FSTL4: variants seen among roughly 807,000 people sequenced by gnomAD.
FSTL4 encodes follistatin-related protein 4.
A neutral mutation model predicts 78.2 loss-of-function variants in FSTL4; 28 were observed. The observed-to-expected ratio is 0.36, with a 90% CI of 0.27 to 0.49. The LOEUF is 0.49. Ranked by LOEUF, FSTL4 falls within the 20% of genes least tolerant of loss-of-function variation. The pLI is 0.98. For synonymous variants in FSTL4, 422 were observed against 440.5 expected, an observed-to-expected ratio of 0.96 and a Z score of 0.53; for missense variants, 922 against 1,084.9, an observed-to-expected ratio of 0.85 and a Z score of 2.11.
chr5:133,436,461 G>C (rs1315197725), intron 3 of FSTL4, among the ~76,000 whole-genome samples: 2 of 152,128 alleles, frequency 1.3e-5, no homozygotes, highest in Non-Finnish European at 2.9e-5. Flanking sequence ...AGGCTAGAAA[G>C]GTTAATAGGG....
At chr5:133,748,848 G>A in the FSTL4 span, among the ~76,000 whole-genome samples, 7 of 152,260 alleles carry the variant, frequency 4.6e-5, no homozygotes, top group South Asian at 1.0e-3. Context: ...AAGGCAGAAA[G>A]AGAGAGAGAG....
the FSTL4 span, among the ~76,000 whole-genome samples, chr5:133,795,161 C>A: frequency 3.9e-5 from 6 of 152,296 alleles, no homozygotes; most frequent in Admixed American, 1.3e-4. Context: ...AGCTTCCTGG[C>A]CCCAGGTGAG....
intron 3 of FSTL4, among the ~76,000 whole-genome samples, chr5:133,499,160 T>A (rs1420724552): frequency 6.6e-6 from 1 of 152,184 alleles, no homozygotes; most frequent in Non-Finnish European, 1.5e-5. Flanking sequence ...ATTCTTCTCA[T>A]GACCATGTTT....
At chr5:133,595,426 G>A (rs1237879620) in intron 2 of FSTL4, among the ~76,000 whole-genome samples, 2 of 152,182 alleles carry the variant, frequency 1.3e-5, no homozygotes, top group East Asian at 1.9e-4. Flanking sequence ...TGGCTGACTC[G>A]TTCACTTATT....
chr5:133,529,864 C>T (rs1290714164), intron 3 of FSTL4, among the ~76,000 whole-genome samples: 16 of 150,002 alleles, frequency 1.1e-4, no homozygotes, highest in Admixed American at 6.0e-4. Flanking sequence ...TAAAATGTTT[C>T]GGGTTTTTTT....
intron 4 of FSTL4, among the ~76,000 whole-genome samples, chr5:133,372,245 C>CTATGTATCTACGTATGTATGTATGTATG (rs757202475): frequency 7.1e-6 from 1 of 140,122 alleles, no homozygotes; most frequent in Admixed American, 7.2e-5. Context: ...ATCTATGTAT[C>CTATGTATCTACGTATGTATGTATGTATG]TATGTATGTA....
chr5:133,506,732 C>CA (rs1758619228), intron 3 of FSTL4, among the ~76,000 whole-genome samples: 1 of 152,188 alleles, frequency 6.6e-6, no homozygotes, highest in African/African-American at 2.4e-5. Context: ...AGGTTGAAAA[C>CA]AAAGTTGTCT....
the FSTL4 span, among the ~76,000 whole-genome samples, chr5:133,740,851 G>C: frequency 2.0e-5 from 3 of 152,118 alleles, no homozygotes; most frequent in Non-Finnish European, 4.4e-5. Context: ...AGCCTAGAAG[G>C]GTTAGGTAGC....
the FSTL4 span, among the ~76,000 whole-genome samples, chr5:133,761,317 T>C: frequency 6.6e-6 from 1 of 152,122 alleles, no homozygotes; most frequent in Non-Finnish European, 1.5e-5. Flanking sequence ...CTGTGAAAAA[T>C]TGCTTGTTTT....
intron 4 of FSTL4, among the ~76,000 whole-genome samples, chr5:133,336,684 A>G (rs1754471666): frequency 6.6e-6 from 1 of 151,926 alleles, no homozygotes; most frequent in African/African-American, 2.4e-5. Flanking sequence ...ACTCCATCTA[A>G]ACAACCCTAC....
intron 3 of FSTL4, among the ~76,000 whole-genome samples, chr5:133,414,188 G>A (rs1756532394): frequency 6.6e-6 from 1 of 152,154 alleles, no homozygotes; most frequent in African/African-American, 2.4e-5. Context: ...AGGTTACTCA[G>A]GTAGTTTGCA....
At chr5:133,483,381 G>A (rs2112860476) in intron 3 of FSTL4, among the ~76,000 whole-genome samples, 1 of 152,348 alleles carries the variant, frequency 6.6e-6, no homozygotes, top group Non-Finnish European at 1.5e-5. Flanking sequence ...GTTCAGGGAT[G>A]CAAGTGTACA....
the FSTL4 span, among the ~76,000 whole-genome samples, chr5:133,711,598 T>C: frequency 6.6e-6 from 1 of 152,232 alleles, no homozygotes; most frequent in African/African-American, 2.4e-5. Flanking sequence ...TCCTTTGTAC[T>C]CTGCCAACCT....
upstream of FSTL4, among the ~76,000 whole-genome samples, chr5:133,613,737 C>T (rs972737769): frequency 2.0e-5 from 3 of 152,140 alleles, no homozygotes; most frequent in Admixed American, 6.6e-5. Flanking sequence ...CAGAGCCAAT[C>T]GTATCTCTAC....
chr5:133,240,564 G>A (rs909469543), intron 7 of FSTL4, among the ~76,000 whole-genome samples: 4 of 152,206 alleles, frequency 2.6e-5, no homozygotes, highest in South Asian at 2.1e-4. Context: ...GTTCTTCCAA[G>A]GCTCGGGGCA....
the FSTL4 span, among the ~76,000 whole-genome samples, chr5:133,678,895 G>C: frequency 6.6e-6 from 1 of 152,050 alleles, no homozygotes; most frequent in African/African-American, 2.4e-5. Flanking sequence ...GAAGTGGGAG[G>C]GTGGGCGTGG....
chr5:133,813,077 G>A, the FSTL4 span, among the ~76,000 whole-genome samples: 12 of 152,182 alleles, frequency 7.9e-5, no homozygotes, highest in African/African-American at 2.7e-4. Context: ...ATGGGCCAGT[G>A]AGTTTCTCAA....
At chr5:133,807,791 A>C in the FSTL4 span, among the ~76,000 whole-genome samples, 1 of 152,232 alleles carries the variant, frequency 6.6e-6, no homozygotes. Flanking sequence ...GACCCAAGTC[A>C]CACATCTAGA....
At chr5:133,668,761 C>T in the FSTL4 span, among the ~76,000 whole-genome samples, 1 of 152,208 alleles carries the variant, frequency 6.6e-6, no homozygotes, top group East Asian at 1.9e-4. Context: ...GTTAAGGCTG[C>T]CCATGGAGGG....
Sources: gnomAD v4.1 joint callset for allele counts (sites outside exome capture counted in the v4.1 genomes callset) on GRCh38, gnomAD v4.1.1 for gene constraint, MANE v1.5 for transcripts, NCBI Gene and HGNC (gene_info 2026-07-23, HGNC 2026-07-21) for gene names.